HUS1: variants seen among roughly 807,000 people sequenced by gnomAD.
The protein encoded by HUS1 is HUS1 checkpoint clamp component.
A neutral mutation model predicts 32.6 loss-of-function variants in HUS1; 31 were observed. The ratio of observed to expected loss-of-function variants is 0.95; its 90% CI spans 0.72 to 1.28. The LOEUF (loss-of-function observed/expected upper bound fraction) is 1.28, where lower values mean the gene tolerates loss of function less well. Among genes scored for constraint, HUS1 ranks in the 50% most tolerant of loss-of-function variants. The pLI, the probability that HUS1 is intolerant of heterozygous loss-of-function variation, is 0.00. For missense variants in HUS1, 340 were observed against 337.7 expected (o/e 1.01, Z -0.05); for synonymous variants, 123 against 116.6 (o/e 1.06, Z -0.36).
At chr7:47,966,441 T>C (rs1788479635) in intron 7 of HUS1, among the ~76,000 whole-genome samples, 1 of 152,194 alleles carries the variant, frequency 6.6e-6, no homozygotes, top group Non-Finnish European at 1.5e-5. Flanking sequence ...TCCATGTTCC[T>C]CAACAGCCTT....
intron 3 of HUS1, among the ~76,000 whole-genome samples, chr7:47,977,729 T>TA (rs932146463): frequency 1.3e-5 from 2 of 151,896 alleles, no homozygotes; most frequent in African/African-American, 4.8e-5. Context: ...CCGACTCTAC[T>TA]AAAAAAATAC....
At chr7:47,970,164 C>G (rs2686840) in intron 5 of HUS1, among the ~76,000 whole-genome samples, 1 of 143,062 alleles carries the variant, frequency 7.0e-6, no homozygotes, top group African/African-American at 2.7e-5. Flanking sequence ...ACCCGGGAGG[C>G]GGAACTTGCA....
chr7:47,975,265 G>A (rs1788677053), intron 5 of HUS1, among the ~76,000 whole-genome samples: 1 of 150,236 alleles, frequency 6.7e-6, no homozygotes, highest in African/African-American at 2.4e-5. Context: ...TTACAGTGAG[G>A]TGAGATGGCG....
chr7:47,966,371 A>T lies in HUS1; in HGVS notation c.761-933T>A, dbSNP rs1263979510. On this transcript the variant is annotated intron_variant, in intron 7 of 7. Transcript: ENST00000258774. ...CTTCCTTTCTCTGCTACACGTGGAG[A>T]CACCAAAGTGAATGTTGGGAAGACA... is the stretch of plus-strand genomic sequence containing the variant. 2.6e-5 allele frequency among the ~76,000 whole-genome samples: 4 copies of T among 152,212 alleles called. No individual in the cohort carries two copies. The East Asian group carries it at 7.7e-4, about 29-fold the overall frequency.
In HUS1 at chr7:47,969,198, A is replaced by G. The variant is rs747250385; in HGVS notation, c.640+21T>C. On this transcript the variant is annotated intron_variant, in intron 6 of 7. Coordinates refer to ENST00000258774, the MANE Select transcript of HUS1 (RefSeq NM_004507.4). ...ACAATTAACTTATCCAAAGCAAAAT[A>G]TAACCCACTAGAAAACTTACCTAAT... 8.1e-6 allele frequency: 10 copies of G among 1,240,736 alleles called. No homozygotes were observed. The East Asian group carries it at 2.1e-4, about 26-fold the overall frequency. 76.9% of individuals were successfully genotyped at this position (1,240,736 alleles called of 1,614,324 possible). A position where few individuals can be genotyped will look rare whatever the true frequency, so the allele number is the denominator to read the frequency against.
In HUS1 at chr7:47,978,547, T is replaced by C; in HGVS notation, c.227A>G (p.Asn76Ser). ...TGTTAGCTCTAAATAAATCTCATTG[T>C]TTTCTGCAGAGACACCCTCCATTTG... ...EFQMEGVSAE[N>S]NEIYLELTSE... Residue 76 changes from asparagine (N) to serine (S), a missense_variant, in exon 3 of 8, where the codon AAC becomes AGC. Physicochemically the swap from Asn to Ser is conservative, Grantham distance 46. Coordinates refer to ENST00000258774, the MANE Select transcript of HUS1 (RefSeq NM_004507.4). The C allele has an allele frequency of 1.2e-6, 2 of 1,614,206 alleles. No individual in the cohort carries two copies. The highest frequency in any genetic ancestry group is 2.2e-5 in the South Asian group (2 of 91,086).
chr7:47,972,230 T>C (rs1331714109), intron 5 of HUS1, among the ~76,000 whole-genome samples: 2 of 152,208 alleles, frequency 1.3e-5, no homozygotes, highest in East Asian at 1.9e-4. Flanking sequence ...GATCTGTAAA[T>C]TCCCATTGTT....
chr7:47,966,226 A>G (rs1788475402), intron 7 of HUS1, among the ~76,000 whole-genome samples: 2 of 152,160 alleles, frequency 1.3e-5, no homozygotes, highest in South Asian at 2.1e-4. Context: ...GGGACAATTG[A>G]GCCGACACCT....
At chr7:47,973,072 T>C (rs1788630933) in intron 5 of HUS1, among the ~76,000 whole-genome samples, 2 of 152,212 alleles carry the variant, frequency 1.3e-5, no homozygotes, top group Non-Finnish European at 2.9e-5. Flanking sequence ...CAGTTTTTCC[T>C]GTGTTCTTCT....
intron 1 of HUS1, 96 bp from the exon 2 acceptor site, chr7:47,978,912 G>C: frequency 7.7e-7 from 1 of 1,300,298 alleles, no homozygotes; most frequent in Non-Finnish European, 1.1e-6. Flanking sequence ...TCAACTTCTC[G>C]GTGGAAAAAT....
intron 4 of HUS1, 53 bp downstream of exon 4, chr7:47,976,677 C>G: frequency 1.0e-6 from 1 of 974,922 alleles, no homozygotes; most frequent in African/African-American, 1.6e-5. Flanking sequence ...CTAGAGAATT[C>G]AAGTCATGCC....
intron 3 of HUS1, among the ~76,000 whole-genome samples, chr7:47,977,430 CTA>C (rs1788728363): frequency 6.6e-6 from 1 of 152,196 alleles, no homozygotes; most frequent in Admixed American, 6.5e-5. Context: ...CTAGGGGCTC[CTA>C]TGAGACTCAC....
At position 47,976,794 on chromosome 7, in the gene HUS1, G is replaced by C. The variant is rs370417384; in HGVS notation, c.401C>G (p.Pro134Arg). The change falls in exon 4 of 8, where the codon CCC becomes CGC. Residue 134 changes from proline (P) to arginine (R), a missense_variant. By Grantham distance (103) the Pro-to-Arg change is moderately radical. Transcript: ENST00000258774. Reference sequence around the variant, plus strand: ...CAATTTCCTAGGAATCACCTTTATGGGGATGTCATGGGTCACAATGCGGCT... The same window carrying C: ...CAATTTCCTAGGAATCACCTTTATGCGGATGTCATGGGTCACAATGCGGCT... ...SSSRIVTHDIPIKVIPRKLWK... is the reference protein window; with the variant it reads ...SSSRIVTHDIRIKVIPRKLWK... 6.2e-7 allele frequency: 1 copy of C among 1,613,442 alleles called. No homozygotes were observed. Among genetic ancestry groups the C allele is most frequent in the East Asian group, 2.2e-5 (1 of 44,838 alleles).
intron 5 of HUS1, 22 bp downstream of exon 5, chr7:47,975,591 T>C: frequency 6.5e-7 from 1 of 1,527,782 alleles, no homozygotes; most frequent in Non-Finnish European, 9.1e-7. Context: ...CAGAGTTCTT[T>C]TCTAAAGAAG....
Position 47,969,251 on chromosome 7 carries a change from G to T in HUS1, c.608C>A (p.Thr203Asn), listed in dbSNP as rs773598798. 1.3e-5 allele frequency: 21 copies of T among 1,586,514 alleles called. No individual in the cohort carries two copies. The highest frequency in any genetic ancestry group is 1.4e-5 in the Non-Finnish European group (16 of 1,160,532). ...AGGATTTCCAAGATCTTTAAAATGA[G>T]TTGTAACACATACTAATTCAGTTTC... is the stretch of plus-strand genomic sequence containing the variant. ...KIETELVCVTTHFKDLGNPPL... is the reference protein window; with the variant it reads ...KIETELVCVTNHFKDLGNPPL... The change falls in exon 6 of 8, where the codon ACT becomes AAT. Residue 203 changes from threonine to asparagine, a missense_variant. Transcript: ENST00000258774.
In HUS1 at chr7:47,979,504, T is replaced by C. The variant is rs1290243825; in HGVS notation, c.16A>G (p.Lys6Glu). ...TTCAGACAGGCCCCGTCCACGATCT[T>C]GGCCCGAAACTTCATGGCCGCGGAT... The part of the protein sequence containing the change: MKFRA[K>E]IVDGACLNHF... The change falls in exon 1 of 8, where the codon AAG becomes GAG. Residue 6 changes from lysine (K) to glutamate (E), a missense_variant. Coordinates refer to ENST00000258774, the MANE Select transcript of HUS1 (RefSeq NM_004507.4). 4 of 1,612,672 alleles carry C rather than the reference T, an allele frequency of 2.5e-6. No individual in the cohort carries two copies. The highest frequency in any genetic ancestry group is 3.4e-6 in the Non-Finnish European group (4 of 1,179,900).
At position 47,965,014 on chromosome 7, in the gene HUS1, C is replaced by A. The variant is rs1788449068; in HGVS notation, c.*342G>T. ...GGAGGGAAAGTACCAAGCTCCCAGG[C>A]AACAGCTTTACGAATTCTGGCTACT... On this transcript the variant is annotated 3_prime_UTR_variant, in exon 8 of 8. Transcript: ENST00000258774. 9.2e-6 allele frequency: 2 copies of A among 217,406 alleles called. No homozygotes were observed. Among genetic ancestry groups the A allele is most frequent in the South Asian group, 7.1e-5 (1 of 14,104 alleles). The allele number at this position is 217,406 out of a possible 1,614,324, so 13.5% of individuals were successfully genotyped here. A position where few individuals can be genotyped will look rare whatever the true frequency, so the allele number is the denominator to read the frequency against.
At chr7:47,971,412 C>T in intron 5 of HUS1, 1 of 455,530 alleles carries the variant, frequency 2.2e-6, no homozygotes. Context: ...TCTACTCCTG[C>T]TCTTGCTGCC....
chr7:47,971,636 G>A, intron 5 of HUS1: 1 of 446,808 alleles, frequency 2.2e-6, no homozygotes, highest in Non-Finnish European at 4.5e-6. Flanking sequence ...TTCTCTTTTT[G>A]ATGTTGATAT....
Sources: allele counts gnomAD v4.1 joint callset (sites outside exome capture counted in the v4.1 genomes callset), GRCh38; gene constraint gnomAD v4.1.1; transcripts MANE v1.5; gene names NCBI Gene and HGNC (gene_info 2026-07-23, HGNC 2026-07-21).